The following UACA variants were observed in gnomAD, a reference collection of about 807,000 sequenced individuals.
UACA encodes the protein nuclear membrane binding protein.
Under a neutral mutation model 160.5 loss-of-function variants are expected in UACA, and 112 were observed. The ratio of observed to expected loss-of-function variants is 0.70; its 90% CI spans 0.60 to 0.82. The LOEUF is 0.82. UACA is among the 40% of genes least tolerant of loss of function. The probability of loss-of-function intolerance (pLI) is 0.00; values close to 1 mark genes in which losing one functional copy is unlikely to be tolerated. For missense variants in UACA, 1,574 were observed against 1,614.6 expected (o/e 0.97, Z 0.43); for synonymous variants, 557 against 568.4 (o/e 0.98, Z 0.29).
At position 70,694,436 on chromosome 15, in the gene UACA, G is replaced by C. The variant is rs138066021; in HGVS notation, c.301+581C>G. On this transcript the variant is annotated intron_variant, in intron 3 of 18. Transcript: ENST00000322954. The stretch of plus-strand genomic sequence containing the variant: ...TTATAAATATAGCTAGGCACAGAAT[G>C]GGTTCCTTATGAGGCATAATGGTTA... 1.6e-3 allele frequency among the ~76,000 whole-genome samples: 247 copies of C among 152,186 alleles called. 5 individuals are homozygous for C. In the East Asian group the frequency reaches 0.037, roughly 23 times the overall value.
intron 18 of UACA, among the ~76,000 whole-genome samples, chr15:70,657,510 G>A (rs796080912): frequency 4.6e-5 from 7 of 152,150 alleles, no homozygotes; most frequent in African/African-American, 1.2e-4. Flanking sequence ...CAGGAGAATC[G>A]CTGGAACCTG....
chr15:70,763,383 T>A lies in UACA; in HGVS notation c.25A>T (p.Arg9Trp). 7.5e-7 allele frequency: 1 copy of A among 1,330,108 alleles called. No individual in the cohort carries two copies. The highest frequency in any genetic ancestry group is 9.7e-7 in the Non-Finnish European group (1 of 1,033,762). The allele number at this position is 1,330,108 out of a possible 1,614,324, so 82.4% of individuals were successfully genotyped here. A position where few individuals can be genotyped will look rare whatever the true frequency, so the allele number is the denominator to read the frequency against. ...GCGGGGCCGGGCACGTCCTGCCTCC[T>A]CAGGCGGGACTTGAGGCTCTTCATG... Reference protein sequence around the residue: MKSLKSRLRRQDVPGPASS... With the variant: MKSLKSRLWRQDVPGPASS... Residue 9 changes from arginine (R) to tryptophan (W), a missense_variant, in exon 1 of 19, where the codon AGG (arginine) becomes TGG (tryptophan). Physicochemically the swap from Arg to Trp is moderately radical, Grantham distance 101. Transcript: ENST00000322954.
At chr15:70,675,373 C>T (rs1595879482) in intron 13 of UACA, among the ~76,000 whole-genome samples, 1 of 152,166 alleles carries the variant, frequency 6.6e-6, no homozygotes, top group Non-Finnish European at 1.5e-5. Context: ...TCTGAATAAT[C>T]TTGAAAATTC....
intron 1 of UACA, chr15:70,754,007 T>A: frequency 2.5e-6 from 1 of 404,348 alleles, no homozygotes; most frequent in Non-Finnish European, 4.9e-6. Flanking sequence ...GGTTTCATCA[T>A]GTTGCCCAGG....
At chr15:70,662,102 C>A (rs1434683716) in intron 17 of UACA, among the ~76,000 whole-genome samples, 1 of 152,128 alleles carries the variant, frequency 6.6e-6, no homozygotes, top group Admixed American at 6.6e-5. Context: ...CATTGTATAT[C>A]TAGAAAACCC....
At chr15:70,693,818 G>A (rs987273917) in intron 3 of UACA, among the ~76,000 whole-genome samples, 3 of 152,106 alleles carry the variant, frequency 2.0e-5, no homozygotes, top group African/African-American at 7.2e-5. Context: ...CTCTGAAGAG[G>A]TAAGGTTAGT....
rs911662258 is a variant in UACA, at chr15:70,763,471, T to C, written c.-64A>G. ...CTGCGGAGTGCCAGCGCGCAAGGAG[T>C]AGACGGCAGCGGCTGCAGCAGAGGC... is the stretch of plus-strand genomic sequence containing the variant. On this transcript the variant is annotated 5_prime_UTR_variant, in exon 1 of 19. Coordinates refer to ENST00000322954, the MANE Select transcript of UACA (RefSeq NM_018003.4). The C allele has an allele frequency of 3.0e-5, 38 of 1,264,002 alleles. No homozygotes were observed. In the African/African-American group the frequency reaches 5.3e-4, roughly 18 times the overall value. 78.3% of individuals were successfully genotyped at this position (1,264,002 alleles called of 1,614,324 possible).
intron 18 of UACA, among the ~76,000 whole-genome samples, chr15:70,658,222 T>C (rs1896554862): frequency 6.6e-6 from 1 of 152,272 alleles, no homozygotes; most frequent in Non-Finnish European, 1.5e-5. Context: ...TCCCTTGAGC[T>C]ACCCAATTAT....
At position 70,664,765 on chromosome 15, in the gene UACA, C is replaced by A. The variant is rs368965063; in HGVS notation, c.4010G>T (p.Gly1337Val). The A allele has an allele frequency of 6.2e-7, 1 of 1,613,294 alleles. No individual in the cohort carries two copies. The highest frequency in any genetic ancestry group is 8.5e-7 in the Non-Finnish European group (1 of 1,179,768). ...ACTTGTGTAGGTGAGTTGGGAAAGG[C>A]CATTGAGTGCCTGTTTTAATCTTTC... ...DVERLKQALN[G>V]LSQLTYTSGN... Residue 1337 changes from glycine (G) to valine (V), a missense_variant, in exon 17 of 19, where the codon GGC becomes GTC. Physicochemically the swap from Gly to Val is moderately radical, Grantham distance 109. Coordinates refer to ENST00000322954, the MANE Select transcript of UACA (RefSeq NM_018003.4).
At chr15:70,724,131 G>T (rs1899079349) in intron 1 of UACA, among the ~76,000 whole-genome samples, 1 of 152,184 alleles carries the variant, frequency 6.6e-6, no homozygotes, top group Non-Finnish European at 1.5e-5. Context: ...ACATGTTCGA[G>T]CTTAGCACTC....
At chr15:70,747,837 CTTT>C (rs984465076) in intron 1 of UACA, among the ~76,000 whole-genome samples, 3 of 151,976 alleles carry the variant, frequency 2.0e-5, no homozygotes, top group Non-Finnish European at 4.4e-5. Context: ...CATCAAATTT[CTTT>C]TTATTTATAT....
chr15:70,722,857 T>C (rs1340520924), intron 1 of UACA, among the ~76,000 whole-genome samples: 1 of 152,150 alleles, frequency 6.6e-6, no homozygotes, highest in African/African-American at 2.4e-5. Flanking sequence ...TTTTCTTCAA[T>C]TCAGTTTGAA....
chr15:70,748,415 C>T (rs895216177), intron 1 of UACA, among the ~76,000 whole-genome samples: 4 of 152,150 alleles, frequency 2.6e-5, no homozygotes, highest in Non-Finnish European at 5.9e-5. Context: ...GAGTGTTCTG[C>T]ATCAGTCTGC....
intron 1 of UACA, among the ~76,000 whole-genome samples, chr15:70,723,629 T>C (rs1207752342): frequency 6.8e-6 from 1 of 147,158 alleles, no homozygotes; most frequent in Non-Finnish European, 1.5e-5. Flanking sequence ...CATCTCAACT[T>C]TTTCCTTTTT....
At chr15:70,738,310 C>T (rs1291817581) in intron 1 of UACA, among the ~76,000 whole-genome samples, 2 of 151,768 alleles carry the variant, frequency 1.3e-5, no homozygotes, top group Non-Finnish European at 2.9e-5. Flanking sequence ...TTATTCTCCA[C>T]ACAGTTGTCA....
rs1240440235 is a variant in UACA at position 70,668,194 on chromosome 15, A to G, written c.2490T>C (p.Leu830=). ...IVELKKQLSE[L]KKKCGEDQEK... ...CCTGGTCTTCACCACATTTTTTCTTAAGTTCAGACAGCTGTTTCTTAAGTT... is the reference window on the plus strand; with the variant it reads ...CCTGGTCTTCACCACATTTTTTCTTGAGTTCAGACAGCTGTTTCTTAAGTT... Residue 830 remains leucine (L), a synonymous_variant, in exon 16 of 19, where the codon CTT becomes CTC. Coordinates refer to ENST00000322954, the MANE Select transcript of UACA (RefSeq NM_018003.4). 3 of 1,610,140 alleles carry G rather than the reference A, an allele frequency of 1.9e-6. No individual in the cohort carries two copies. The African/African-American group carries it at 4.0e-5, about 22-fold the overall frequency.
chr15:70,676,723 T>C, intron 12 of UACA, 132 bp from the exon 13 acceptor site: 1 of 647,724 alleles, frequency 1.5e-6, no homozygotes, highest in South Asian at 2.1e-5. Flanking sequence ...TGGTGAACTT[T>C]AACTACTAAT....
At chr15:70,699,714 T>C in intron 1 of UACA, 54 bp from the exon 2 acceptor site, 1 of 1,582,494 alleles carries the variant, frequency 6.3e-7, no homozygotes, top group Admixed American at 1.8e-5. Flanking sequence ...GTTAAGATTT[T>C]TCTAAAGAAA....
At chr15:70,776,463 T>A in the UACA span, among the ~76,000 whole-genome samples, 1 of 149,524 alleles carries the variant, frequency 6.7e-6, no homozygotes, top group African/African-American at 2.5e-5. Context: ...AGCCTCACTC[T>A]GTCACCCAGG....
Sources: allele counts gnomAD v4.1 joint callset (sites outside exome capture counted in the v4.1 genomes callset), GRCh38; gene constraint gnomAD v4.1.1; transcripts MANE v1.5; gene names NCBI Gene and HGNC (gene_info 2026-07-23, HGNC 2026-07-21).